The following PCM1 variants were observed in gnomAD, a reference collection of about 807,000 sequenced individuals.
The protein encoded by PCM1 is pericentriolar material 1, also known as pericentriolar material 1 protein.
A neutral mutation model predicts 241.9 loss-of-function variants in PCM1; 157 were observed. The observed-to-expected ratio is 0.65, with a 90% CI of 0.57 to 0.74. PCM1 has a LOEUF of 0.74. PCM1 is among the 30% of genes least tolerant of loss of function. The pLI is 0.00. For synonymous variants in PCM1, 1,085 were observed against 784.9 expected, an observed-to-expected ratio of 1.38 and a Z score of -6.39; for missense variants, 3,478 against 2,360.1, an observed-to-expected ratio of 1.47 and a Z score of -9.81.
rs1011159065 is a variant in PCM1, at chr8:18,013,904, A to T, written c.5512-60A>T. 12 of 966,734 alleles carry T rather than the reference A, an allele frequency of 1.2e-5. No individual in the cohort carries two copies. The African/African-American group carries it at 2.0e-4, about 16-fold the overall frequency. 59.9% of individuals were successfully genotyped at this position (966,734 alleles called of 1,614,324 possible). A position where few individuals can be genotyped will look rare whatever the true frequency, so the allele number is the denominator to read the frequency against. ...GGACAAAAACTACACACTAGTAATC[A>T]TCTCTTTTATAGTGACCATATATTT... On this transcript the variant is annotated intron_variant, in intron 34 of 38. Coordinates refer to ENST00000325083, the MANE Select transcript of PCM1 (RefSeq NM_006197.4).
At chr8:17,934,527 C>G (rs1343673475) in intron 2 of PCM1, among the ~76,000 whole-genome samples, 3 of 152,178 alleles carry the variant, frequency 2.0e-5, no homozygotes, top group East Asian at 1.9e-4. Flanking sequence ...TCTCAAAGTG[C>G]TGGGATTACA....
chr8:17,949,159 AAG>A (rs990758274), intron 7 of PCM1, among the ~76,000 whole-genome samples: 67 of 152,328 alleles, frequency 4.4e-4, no homozygotes, highest in African/African-American at 1.5e-3. Context: ...CTATTTCAAA[AAG>A]AATTTTAGCT....
chr8:17,929,004 A>G (rs1023852836), intron 2 of PCM1, among the ~76,000 whole-genome samples: 1 of 152,018 alleles, frequency 6.6e-6, no homozygotes. Flanking sequence ...TTTCCTTATG[A>G]CCGTCTGTGC....
intron 2 of PCM1, among the ~76,000 whole-genome samples, chr8:17,931,222 A>G (rs1778242173): frequency 6.6e-6 from 1 of 152,206 alleles, no homozygotes; most frequent in African/African-American, 2.4e-5. Context: ...CTTTGGAACA[A>G]GCTCTGCATT....
intron 13 of PCM1, among the ~76,000 whole-genome samples, chr8:17,959,374 A>G (rs1289813461): frequency 6.6e-6 from 1 of 152,014 alleles, no homozygotes; most frequent in African/African-American, 2.4e-5. Context: ...TACAGTTTTC[A>G]GTATATCGAT....
intron 3 of PCM1, among the ~76,000 whole-genome samples, chr8:17,936,400 C>G (rs981918948): frequency 2.0e-5 from 3 of 152,018 alleles, no homozygotes; most frequent in Admixed American, 1.3e-4. Context: ...AAAGAATTTT[C>G]CAGTTGGATA....
intron 34 of PCM1, among the ~76,000 whole-genome samples, chr8:18,012,744 G>T (rs1345691981): frequency 1.3e-5 from 2 of 152,108 alleles, no homozygotes; most frequent in African/African-American, 4.8e-5. Context: ...GTAATTATCA[G>T]ATATTATTAG....
chr8:17,926,698 C>G (rs568621643), intron 2 of PCM1: 2 of 152,178 alleles, frequency 1.3e-5, no homozygotes, highest in South Asian at 4.1e-4. Context: ...TTTGCAATGA[C>G]TTAGTTGGGT....
At chr8:17,968,240 T>C (rs2075642258) in intron 21 of PCM1, among the ~76,000 whole-genome samples, 1 of 152,162 alleles carries the variant, frequency 6.6e-6, no homozygotes, top group African/African-American at 2.4e-5. Context: ...GTAATTGATG[T>C]GGTTGAAGAG....
chr8:17,978,895 C>G (rs2079686206), intron 23 of PCM1, among the ~76,000 whole-genome samples: 1 of 151,994 alleles, frequency 6.6e-6, no homozygotes, highest in South Asian at 2.1e-4. Context: ...GATTTGTTAC[C>G]AGGAAATCTG....
chr8:17,983,338 A>C (rs1038152696), intron 24 of PCM1: 1 of 1,156,954 alleles, frequency 8.6e-7, no homozygotes, highest in Non-Finnish European at 1.2e-6. Flanking sequence ...ATTTTTTCCC[A>C]TTGGTCCTAA....
At chr8:17,936,246 G>T (rs868356374) in intron 3 of PCM1, among the ~76,000 whole-genome samples, 1 of 152,118 alleles carries the variant, frequency 6.6e-6, no homozygotes, top group Non-Finnish European at 1.5e-5. Flanking sequence ...TCAGTCTTCT[G>T]TGGCGAGGGT....
Position 17,962,018 on chromosome 8 carries a change from G to T in PCM1, c.2323-16G>T, listed in dbSNP as rs781712809. 2.5e-6 allele frequency: 4 copies of T among 1,593,892 alleles called. No homozygotes were observed. The highest frequency in any genetic ancestry group is 3.6e-5 in the Admixed American group (2 of 56,288). The stretch of plus-strand genomic sequence containing the variant: ...GCTTTAATTCCTCATAACGTTTTTT[G>T]TGAATTCCTTTTTAGCTGTCAGCTG... On this transcript the variant is annotated splice_polypyrimidine_tract_variant and intron_variant, in intron 15 of 38. Coordinates refer to ENST00000325083, the MANE Select transcript of PCM1 (RefSeq NM_006197.4).
chr8:17,960,215 GT>G lies in PCM1; in HGVS notation c.2192+54del, dbSNP rs565792788. The G allele has an allele frequency of 3.4e-5, 53 of 1,555,002 alleles. No individual in the cohort carries two copies. In the Admixed American group the frequency reaches 4.9e-4, roughly 14 times the overall value. On this transcript the variant is annotated intron_variant, in intron 14 of 38. Transcript: ENST00000325083. The stretch of plus-strand genomic sequence containing the variant: ...TTAATATAATAAAAATTTAGTGCCT[GT>G]TTTGGAGAAGGTGCTCAGCTAGGTA...
chr8:18,018,877 TATACACAC>T (rs1306986509), intron 36 of PCM1, among the ~76,000 whole-genome samples: 2,410 of 38,694 alleles, frequency 0.062, 101 homozygotes, highest in African/African-American at 0.11. Flanking sequence ...TATATATATA[TATACACAC>T]ACATATACAT....
At chr8:17,979,668 C>T (rs554975741) in intron 23 of PCM1, among the ~76,000 whole-genome samples, 24 of 152,180 alleles carry the variant, frequency 1.6e-4, no homozygotes, top group African/African-American at 5.8e-4. Context: ...AAAACATAAC[C>T]ATGTTCTTAA....
At position 17,991,557 on chromosome 8, in the gene PCM1, A is replaced by C. The variant is rs757035943; in HGVS notation, c.4547A>C (p.His1516Pro). The change falls in exon 28 of 39, where the codon CAC becomes CCC. Residue 1516 changes from histidine (H) to proline (P), a missense_variant. Physicochemically the swap from His to Pro is moderately conservative, Grantham distance 77 (BLOSUM62 -2). Transcript: ENST00000325083. ...ATDDLGNTVI[H>P]LDQALARMRE... The stretch of plus-strand genomic sequence containing the variant: ...CCAAATGTAGGTAACACCGTGATTC[A>C]CTTAGATCAAGCATTAGCCAGAATG... 1 of 1,601,688 alleles carries C rather than the reference A, an allele frequency of 6.2e-7. No homozygotes were observed. Among genetic ancestry groups the C allele is most frequent in the Non-Finnish European group, 8.5e-7 (1 of 1,173,622 alleles).
intron 23 of PCM1, among the ~76,000 whole-genome samples, chr8:17,975,769 T>G (rs980441110): frequency 1.3e-5 from 2 of 152,196 alleles, no homozygotes; most frequent in Non-Finnish European, 2.9e-5. Flanking sequence ...TTGTTTCCCA[T>G]GATGGTAATG....
intron 2 of PCM1, among the ~76,000 whole-genome samples, chr8:17,932,236 A>G (rs1005483824): frequency 5.9e-5 from 9 of 152,170 alleles, no homozygotes; most frequent in Non-Finnish European, 1.3e-4. Context: ...TTATAGCGTA[A>G]TAAACAACTT....
Sources: allele counts gnomAD v4.1 joint callset (sites outside exome capture counted in the v4.1 genomes callset), GRCh38; gene constraint gnomAD v4.1.1; transcripts MANE v1.5; gene names NCBI Gene and HGNC (gene_info 2026-07-23, HGNC 2026-07-21).